Variants in LRRC40 observed in about 807,000 individuals in gnomAD.
LRRC40 encodes leucine-rich repeat-containing protein 40.
A neutral mutation model predicts 72.8 loss-of-function variants in LRRC40; 76 were observed. That is an observed-to-expected ratio of 1.04 (90% CI 0.87 to 1.26). LRRC40 has a LOEUF of 1.26. Ranked by LOEUF, LRRC40 falls within the 50% of genes most tolerant of loss-of-function variation. The pLI is 0.00. For missense variants in LRRC40, 684 were observed against 698.9 expected, an observed-to-expected ratio of 0.98 and a Z score of 0.24; for synonymous variants, 243 against 254.2, an observed-to-expected ratio of 0.96 and a Z score of 0.42.
In LRRC40 at chr1:70,198,957, C is replaced by T. The variant is rs1668674446; in HGVS notation, c.151+6433G>A. On this transcript the variant is annotated intron_variant, in intron 1 of 14. Transcript: ENST00000370952. ...CTTGAGCTCAGGAGATCAAGACCAG[C>T]CTGGGTAACATAGCAAGACCTCATC... Among the ~76,000 whole-genome samples, 3 of 151,940 alleles carry T rather than the reference C, an allele frequency of 2.0e-5. No homozygotes were observed. The South Asian group carries it at 6.2e-4, about 32-fold the overall frequency.
At chr1:70,158,099 CAAAAAAAAAAAA>C (rs35925333) in intron 10 of LRRC40, among the ~76,000 whole-genome samples, 91 of 19,220 alleles carry the variant, frequency 4.7e-3, no homozygotes, top group African/African-American at 0.02. Flanking sequence ...GACCCTGCCT[CAAAAAAAAAAAA>C]AAAAAAAAAA....
intron 1 of LRRC40, among the ~76,000 whole-genome samples, chr1:70,199,339 A>C (rs866086449): frequency 6.6e-6 from 1 of 151,876 alleles, no homozygotes; most frequent in Non-Finnish European, 1.5e-5. Context: ...TATAGATTCT[A>C]ATCTTTCTAC....
intron 1 of LRRC40, among the ~76,000 whole-genome samples, chr1:70,201,125 G>A (rs1319276903): frequency 6.6e-6 from 1 of 152,116 alleles, no homozygotes; most frequent in East Asian, 1.9e-4. Context: ...CCATGACTGA[G>A]CCACTGCACT....
intron 1 of LRRC40, among the ~76,000 whole-genome samples, chr1:70,194,325 T>TAA (rs1668563225): frequency 6.6e-6 from 1 of 151,958 alleles, no homozygotes; most frequent in Non-Finnish European, 1.5e-5. Context: ...GTTTAAATGT[T>TAA]AAAAGATTTA....
intron 9 of LRRC40, among the ~76,000 whole-genome samples, chr1:70,164,299 A>G (rs1442822881): frequency 6.6e-6 from 1 of 152,182 alleles, no homozygotes; most frequent in Non-Finnish European, 1.5e-5. Context: ...CTGAGGCAGG[A>G]GAATCACTTG....
Position 70,153,972 on chromosome 1 carries a change from C to CCA in LRRC40, c.1329-1430_1329-1429insTG, listed in dbSNP as rs1460340962. The stretch of plus-strand genomic sequence containing the variant: ...GGGGCAACAGAGTGAGATCCTGTCT[C>CCA]AAAAAAAAAAAAAAAAAAAAAAAGA... On this transcript the variant is annotated intron_variant, in intron 11 of 14. Coordinates refer to ENST00000370952, the MANE Select transcript of LRRC40 (RefSeq NM_017768.5). 1.6e-3 allele frequency among the ~76,000 whole-genome samples: 91 copies of CCA among 58,198 alleles called. 1 individual carries two copies. Among genetic ancestry groups the CCA allele is most frequent in the African/African-American group, 6.0e-3 (84 of 14,044 alleles). The allele number at this position is 58,198 out of a possible 152,430, so 38.2% of individuals were successfully genotyped here.
intron 2 of LRRC40, 82 bp from the exon 3 acceptor site, chr1:70,187,420 T>C (rs1668384735): frequency 5.8e-6 from 4 of 686,200 alleles, no homozygotes; most frequent in Admixed American, 2.6e-5. Flanking sequence ...ACAAAACTAT[T>C]AGTCAGTAAT....
chr1:70,148,339 G>T, intron 14 of LRRC40, 148 bp downstream of exon 14: 1 of 646,700 alleles, frequency 1.5e-6, no homozygotes, highest in Non-Finnish European at 2.6e-6. Flanking sequence ...AAACAGAATT[G>T]GGACTCTGGG....
chr1:70,164,613 A>G (rs1244283851), intron 9 of LRRC40, among the ~76,000 whole-genome samples: 2 of 152,050 alleles, frequency 1.3e-5, no homozygotes, highest in African/African-American at 2.4e-5. Flanking sequence ...TATCATCACC[A>G]CTGGAACATA....
Position 70,189,237 on chromosome 1 carries a change from G to A in LRRC40, c.188C>T (p.Pro63Leu). The A allele has an allele frequency of 6.2e-7, 1 of 1,610,534 alleles. No homozygotes were observed. Residue 63 changes from proline to leucine, a missense_variant, in exon 2 of 15, where the codon CCT (proline) becomes CTT (leucine). By Grantham distance (98) the Pro-to-Leu change is moderately conservative (BLOSUM62 -3). Transcript: ENST00000370952. Reference protein sequence around the residue: ...QCVWRINVDIPEEANQNLSFG... With the variant: ...QCVWRINVDILEEANQNLSFG... Reference sequence around the variant, plus strand: ...CGAAAGATTCTGATTAGCTTCCTCAGGGATATCCACATTTATTCTCCAGAC... The same window carrying A: ...CGAAAGATTCTGATTAGCTTCCTCAAGGATATCCACATTTATTCTCCAGAC...
intron 13 of LRRC40, among the ~76,000 whole-genome samples, chr1:70,148,989 T>C (rs1462936168): frequency 6.6e-6 from 1 of 152,226 alleles, no homozygotes; most frequent in East Asian, 1.9e-4. Context: ...AATGTATCCA[T>C]GTAGGTATTC....
chr1:70,175,923 C>T lies in LRRC40; in HGVS notation c.864G>A (p.Leu288=), dbSNP rs1267686096. The T allele has an allele frequency of 2.8e-5, 44 of 1,598,880 alleles. No homozygotes were observed. In the Admixed American group the frequency reaches 7.9e-4, roughly 29 times the overall value. The change falls in exon 7 of 15, where the codon CTG becomes CTA. Residue 288 remains leucine (L), a synonymous_variant. Coordinates refer to ENST00000370952, the MANE Select transcript of LRRC40 (RefSeq NM_017768.5). ...TCAGGTCTAGCACAAGAATTGAATT[C>T]AGATGTTTAAGATGTTCTGCCTCTA... ...EMLEAEHLKH[L]NSILVLDLRD...
chr1:70,159,289 C>A, intron 10 of LRRC40, 41 bp downstream of exon 10: 3 of 939,168 alleles, frequency 3.2e-6, no homozygotes, highest in Non-Finnish European at 3.2e-6. Context: ...CACAGTAAGA[C>A]CCTATCTCTA....
At chr1:70,163,105 C>G (rs1667800569) in intron 9 of LRRC40, among the ~76,000 whole-genome samples, 1 of 145,556 alleles carries the variant, frequency 6.9e-6, no homozygotes, top group African/African-American at 2.6e-5. Context: ...GAGACGGAGT[C>G]TCACTCTGTT....
chr1:70,147,201 A>G (rs1216724396), intron 14 of LRRC40: 1 of 152,172 alleles, frequency 6.6e-6, no homozygotes, highest in Non-Finnish European at 1.5e-5. Context: ...CCCAGGTGAG[A>G]CTGAACAAGG....
chr1:70,164,020 C>G (rs1375186936), intron 9 of LRRC40, among the ~76,000 whole-genome samples: 3 of 152,174 alleles, frequency 2.0e-5, no homozygotes, highest in African/African-American at 7.2e-5. Context: ...GGCGCTCTTG[C>G]TGTGTCCTCA....
At position 70,155,787 on chromosome 1, in the gene LRRC40, T is replaced by C. The variant is rs778706666; in HGVS notation, c.1230A>G (p.Gln410=). ...TLKILDYSDK[Q]ATLIPDEVFD... The stretch of plus-strand genomic sequence containing the variant: ...ACACCTCATCAGGAATCAAAGTTGC[T>C]TGTTTATCACTAAATGAAAAATGGT... The change falls in exon 11 of 15, where the codon CAA becomes CAG. Residue 410 remains glutamine, a synonymous_variant. Coordinates refer to ENST00000370952, the MANE Select transcript of LRRC40 (RefSeq NM_017768.5). 3 of 1,554,766 alleles carry C rather than the reference T, an allele frequency of 1.9e-6. No individual in the cohort carries two copies. The highest frequency in any genetic ancestry group is 3.4e-5 in the Admixed American group (2 of 58,174).
chr1:70,197,968 C>A (rs1463868790), intron 1 of LRRC40, among the ~76,000 whole-genome samples: 1 of 151,962 alleles, frequency 6.6e-6, no homozygotes, highest in African/African-American at 2.4e-5. Context: ...TGCCTTGTTG[C>A]CCAGACTGGT....
At chr1:70,195,521 A>C (rs1341815934) in intron 1 of LRRC40, among the ~76,000 whole-genome samples, 5 of 152,256 alleles carry the variant, frequency 3.3e-5, no homozygotes, top group Non-Finnish European at 7.3e-5. Context: ...CCACAAGAAT[A>C]GTTAATATTT....
Sources: gnomAD v4.1 joint callset for allele counts (sites outside exome capture counted in the v4.1 genomes callset) on GRCh38, gnomAD v4.1.1 for gene constraint, MANE v1.5 for transcripts, NCBI Gene and HGNC (gene_info 2026-07-23, HGNC 2026-07-21) for gene names.